The following KDM2B variants were observed in gnomAD, a reference collection of about 807,000 sequenced individuals.
The protein encoded by KDM2B is lysine-specific demethylase 2B.
KDM2B carries 26 observed loss-of-function variants against 150.0 expected under a neutral mutation model. The observed-to-expected ratio is 0.17, with a 90% CI of 0.13 to 0.24. KDM2B has a LOEUF of 0.24. Ranked by LOEUF, KDM2B falls within the 10% of genes least tolerant of loss-of-function variation. KDM2B has a pLI of 1.00. For missense variants in KDM2B, 1,265 were observed against 1,816.9 expected (o/e 0.70, Z 5.52); for synonymous variants, 734 against 729.5 (o/e 1.01, Z -0.10).
Position 121,518,123 on chromosome 12 carries a change from C to T in KDM2B, c.1047+2862G>A, listed in dbSNP as rs998651361. Among the ~76,000 whole-genome samples, 2 of 152,062 alleles carry T rather than the reference C, an allele frequency of 1.3e-5. No individual in the cohort carries two copies. Among genetic ancestry groups the T allele is most frequent in the African/African-American group, 2.4e-5 (1 of 41,378 alleles). On this transcript the variant is annotated intron_variant, in intron 9 of 22. Transcript: ENST00000377071. This position sits in a 1 kb window ranked among gnomAD's most constrained non-coding sequence, Gnocchi z 4.4. The stretch of plus-strand genomic sequence containing the variant: ...GGTCAGGCTGGTCTCGAACCCCTGA[C>T]CTCAGATCATCCGCCCGCCTTGGCC...
intron 12 of KDM2B, among the ~76,000 whole-genome samples, chr12:121,473,036 A>C (rs1384662012): frequency 6.6e-6 from 1 of 152,172 alleles, no homozygotes; most frequent in Non-Finnish European, 1.5e-5. Flanking sequence ...TGGAGAAATA[A>C]GATCTGAAGT....
intron 6 of KDM2B, among the ~76,000 whole-genome samples, chr12:121,539,699 A>G (rs1888448902): frequency 6.6e-6 from 1 of 151,904 alleles, no homozygotes. Flanking sequence ...TTTCTGAGTT[A>G]TCCACAAGCC....
intron 9 of KDM2B, among the ~76,000 whole-genome samples, chr12:121,517,610 A>G (rs1886328461): frequency 6.6e-6 from 1 of 151,898 alleles, no homozygotes; most frequent in Non-Finnish European, 1.5e-5. Context: ...CTGGGACTAC[A>G]GGCATGAACC....
chr12:121,571,959 C>T (rs551974553), intron 4 of KDM2B, among the ~76,000 whole-genome samples: 48 of 152,212 alleles, frequency 3.2e-4, no homozygotes, highest in African/African-American at 1.2e-3. Flanking sequence ...CCACTCTTCT[C>T]AATTTTTTAA....
intron 4 of KDM2B, among the ~76,000 whole-genome samples, chr12:121,555,861 TAA>T (rs1275131351): frequency 6.6e-6 from 1 of 152,166 alleles, no homozygotes; most frequent in African/African-American, 2.4e-5. Flanking sequence ...CCTCCTTGCA[TAA>T]AGAGTGAATT....
chr12:121,421,943 A>C, the KDM2B span, among the ~76,000 whole-genome samples: 1 of 152,210 alleles, frequency 6.6e-6, no homozygotes, highest in African/African-American at 2.4e-5. Context: ...AATATGCACA[A>C]AATATTTTGG....
At chr12:121,548,388 G>A (rs1249300649) in intron 6 of KDM2B, among the ~76,000 whole-genome samples, 1 of 152,170 alleles carries the variant, frequency 6.6e-6, no homozygotes, top group Non-Finnish European at 1.5e-5. Context: ...ACTATGTTTG[G>A]GAAAGGTTAT....
rs542101324 is a variant in KDM2B at position 121,536,599 on chromosome 12, C to T, written c.684-2009G>A. 2.6e-5 allele frequency among the ~76,000 whole-genome samples: 4 copies of T among 152,216 alleles called. No individual in the cohort carries two copies. The East Asian group carries it at 5.8e-4, about 22-fold the overall frequency. ...CCCCCACGGACCACACTGGCCTCTT[C>T]TCTCTAAGCACCACTTCAAAATATT... On this transcript the variant is annotated intron_variant, in intron 6 of 22. Coordinates refer to ENST00000377071, the MANE Select transcript of KDM2B (RefSeq NM_032590.5).
chr12:121,425,549 C>G (rs1872471258), downstream of KDM2B, among the ~76,000 whole-genome samples: 1 of 151,736 alleles, frequency 6.6e-6, no homozygotes, highest in Non-Finnish European at 1.5e-5. Context: ...CTGTGAACAC[C>G]AGGAGGCAGA....
chr12:121,442,128 C>T lies in KDM2B; in HGVS notation c.3284+29G>A. ...ATCCCTGGTGCCGCCTGAGCCTTAA[C>T]CTAGAGCCCTACACAGGCCGCCGCT... On this transcript the variant is annotated intron_variant, in intron 19 of 22. Coordinates refer to ENST00000377071, the MANE Select transcript of KDM2B (RefSeq NM_032590.5). This position sits in a 1 kb window ranked among gnomAD's most constrained non-coding sequence, Gnocchi z 7.7. The T allele has an allele frequency of 6.2e-7, 1 of 1,601,410 alleles. No individual in the cohort carries two copies. The highest frequency in any genetic ancestry group is 8.6e-7 in the Non-Finnish European group (1 of 1,169,404).
intron 9 of KDM2B, chr12:121,516,243 C>G (rs562285417): frequency 9.6e-6 from 3 of 311,680 alleles, no homozygotes; most frequent in South Asian, 2.6e-5. Context: ...CCATTCTGCT[C>G]GGACACCATG....
chr12:121,421,392 A>C, the KDM2B span, among the ~76,000 whole-genome samples: 40 of 149,586 alleles, frequency 2.7e-4, 1 homozygote, highest in South Asian at 2.1e-4. Flanking sequence ...AAAAAAAAAA[A>C]AAAAAACCAA....
At chr12:121,560,435 A>G (rs577842887) in intron 4 of KDM2B, among the ~76,000 whole-genome samples, 1 of 152,292 alleles carries the variant, frequency 6.6e-6, no homozygotes, top group African/African-American at 2.4e-5. Context: ...CCAAATACAC[A>G]TAAATAAAAA....
Position 121,441,199 on chromosome 12 carries a change from G to A in KDM2B, c.3319C>T (p.Leu1107=). The change falls in exon 20 of 23, where the codon CTG becomes TTG. Residue 1107 remains leucine, a synonymous_variant. Transcript: ENST00000377071. The part of the protein sequence containing the change: ...CDKRLWTRID[L]NHCKSITPLM... ...GGTGTGATAGACTTGCAGTGGTTCA[G>A]GTCAATGCGGGTCCACAACCGCTTA... The A allele has an allele frequency of 6.2e-7, 1 of 1,614,154 alleles. No homozygotes were observed. Among genetic ancestry groups the A allele is most frequent in the African/African-American group, 1.3e-5 (1 of 75,054 alleles).
chr12:121,527,504 G>C (rs1488946087), intron 8 of KDM2B, among the ~76,000 whole-genome samples: 1 of 150,028 alleles, frequency 6.7e-6, no homozygotes, highest in Non-Finnish European at 1.5e-5. Flanking sequence ...TACAAAAAAA[G>C]TTAGCCGGGC....
chr12:121,500,398 C>A (rs115418065), intron 11 of KDM2B, among the ~76,000 whole-genome samples: 1 of 152,210 alleles, frequency 6.6e-6, no homozygotes, highest in Non-Finnish European at 1.5e-5. Context: ...GAAACTGCCC[C>A]GTACTGGACC....
At chr12:121,522,893 C>T (rs1886814168) in intron 8 of KDM2B, among the ~76,000 whole-genome samples, 1 of 152,174 alleles carries the variant, frequency 6.6e-6, no homozygotes, top group Non-Finnish European at 1.5e-5. Flanking sequence ...ATGAAGTCAC[C>T]TATCAGGATT....
chr12:121,553,237 A>G (rs1455777016), intron 4 of KDM2B, among the ~76,000 whole-genome samples: 1 of 151,510 alleles, frequency 6.6e-6, no homozygotes, highest in Non-Finnish European at 1.5e-5. Flanking sequence ...TCTCAAAAAA[A>G]AAAAAGAAAG....
chr12:121,443,752 G>C lies in KDM2B; in HGVS notation c.2493C>G (p.Leu831=), dbSNP rs782524235. Reference sequence around the variant, plus strand: ...TGCTGCCTAGAGGGGGCCTCGGCGAGAGGTGAGAGGAGGAACCGGGGGACG... The same window carrying C: ...TGCTGCCTAGAGGGGGCCTCGGCGACAGGTGAGAGGAGGAACCGGGGGACG... ...LQTSPGSSSH[L]SPRPPLGSSL... The change falls in exon 17 of 23, where the codon CTC becomes CTG. Residue 831 remains leucine, a synonymous_variant. Transcript: ENST00000377071. The C allele has an allele frequency of 6.2e-7, 1 of 1,610,432 alleles. No homozygotes were observed. Among genetic ancestry groups the C allele is most frequent in the African/African-American group, 1.3e-5 (1 of 75,036 alleles).
Sources: allele counts gnomAD v4.1 joint callset (sites outside exome capture counted in the v4.1 genomes callset), GRCh38; gene constraint gnomAD v4.1.1; non-coding constraint Gnocchi (gnomAD v3.1); transcripts MANE v1.5; gene names NCBI Gene and HGNC (gene_info 2026-07-23, HGNC 2026-07-21).